The following ZCCHC7 variants were observed in gnomAD, a reference collection of about 807,000 sequenced individuals.
The protein encoded by ZCCHC7 is zinc finger CCHC domain-containing protein 7.
ZCCHC7 carries 35 observed loss-of-function variants against 52.0 expected under a neutral mutation model. The observed-to-expected ratio is 0.67, with a 90% CI of 0.51 to 0.89. The LOEUF is 0.89. Ranked by LOEUF, ZCCHC7 falls within the 40% of genes least tolerant of loss-of-function variation. The pLI, the probability that ZCCHC7 is intolerant of heterozygous loss-of-function variation, is 0.00. For synonymous variants in ZCCHC7, 217 were observed against 221.5 expected (o/e 0.98, Z 0.18); for missense variants, 574 against 649.1 (o/e 0.88, Z 1.26).
chr9:37,222,325 C>CAG lies in ZCCHC7; in HGVS notation c.611-79860_611-79859dup, dbSNP rs1180549279. ...CCAAGGGATAAACAGACCAGAATAA[C>CAG]AGAGTGTGTGTGTGTGTGTGTGTGT... On this transcript the variant is annotated intron_variant, in intron 2 of 8. Coordinates refer to ENST00000336755, the MANE Select transcript of ZCCHC7 (RefSeq NM_032226.3). Among the ~76,000 whole-genome samples, 7 of 120,800 alleles carry CAG rather than the reference C, an allele frequency of 5.8e-5. No homozygotes were observed. The South Asian group carries it at 1.4e-3, about 24-fold the overall frequency. The allele number at this position is 120,800 out of a possible 152,430, so 79.2% of individuals were successfully genotyped here.
intron 6 of ZCCHC7, among the ~76,000 whole-genome samples, chr9:37,344,190 CACAA>C (rs1226867135): frequency 2.6e-5 from 4 of 152,130 alleles, no homozygotes; most frequent in African/African-American, 4.8e-5. Flanking sequence ...CTTATATTTG[CACAA>C]ACAAACATAA....
chr9:37,224,409 A>G (rs1224486115), intron 2 of ZCCHC7, among the ~76,000 whole-genome samples: 1 of 152,220 alleles, frequency 6.6e-6, no homozygotes, highest in Admixed American at 6.5e-5. Context: ...TTTAAAGAAC[A>G]TAGGAGTAAT....
At chr9:37,244,260 AAG>A (rs1192028867) in intron 2 of ZCCHC7, among the ~76,000 whole-genome samples, 1 of 151,038 alleles carries the variant, frequency 6.6e-6, no homozygotes, top group Non-Finnish European at 1.5e-5. Context: ...AAAAAAAAAA[AAG>A]AAAGAAAGAA....
At chr9:37,216,475 G>T (rs1380191473) in intron 2 of ZCCHC7, among the ~76,000 whole-genome samples, 1 of 152,150 alleles carries the variant, frequency 6.6e-6, no homozygotes, top group Non-Finnish European at 1.5e-5. Context: ...AGGTGATCGA[G>T]ACCAGCCTGA....
chr9:37,325,921 A>G (rs937674103), intron 5 of ZCCHC7: 1 of 152,234 alleles, frequency 6.6e-6, no homozygotes, highest in Non-Finnish European at 1.5e-5. Flanking sequence ...TGATTGTTCA[A>G]AAACCAAGTA....
chr9:37,228,674 T>G (rs1825240811), intron 2 of ZCCHC7, among the ~76,000 whole-genome samples: 2 of 152,000 alleles, frequency 1.3e-5, no homozygotes, highest in South Asian at 4.1e-4. Context: ...TGGCCTGATT[T>G]TTAAAATCTG....
chr9:37,299,901 A>T (rs763308342), intron 2 of ZCCHC7, among the ~76,000 whole-genome samples: 5 of 152,234 alleles, frequency 3.3e-5, no homozygotes, highest in Non-Finnish European at 5.9e-5. Flanking sequence ...AGGTCTGCCT[A>T]TAAGCAGCTT....
At chr9:37,240,609 C>T (rs1332540262) in intron 2 of ZCCHC7, among the ~76,000 whole-genome samples, 1 of 151,694 alleles carries the variant, frequency 6.6e-6, no homozygotes, top group East Asian at 1.9e-4. Flanking sequence ...AAGATTAAAC[C>T]AAAAGATAAT....
intron 2 of ZCCHC7, among the ~76,000 whole-genome samples, chr9:37,253,399 T>C (rs1826425317): frequency 6.6e-6 from 1 of 152,078 alleles, no homozygotes. Context: ...ATTGCTTCTT[T>C]AATGAATCTT....
intron 2 of ZCCHC7, among the ~76,000 whole-genome samples, chr9:37,194,007 A>AATG (rs780933160): frequency 1.3e-5 from 2 of 152,138 alleles, no homozygotes; most frequent in Admixed American, 6.5e-5. Flanking sequence ...GTTCACACTC[A>AATG]AACTCAGACA....
At chr9:37,333,069 T>G (rs2118293904) in intron 6 of ZCCHC7, among the ~76,000 whole-genome samples, 1 of 151,800 alleles carries the variant, frequency 6.6e-6, no homozygotes, top group Non-Finnish European at 1.5e-5. Flanking sequence ...CAAATACTAA[T>G]TTGGTTTAAA....
At chr9:37,321,283 C>T (rs528276362) in intron 5 of ZCCHC7, among the ~76,000 whole-genome samples, 298 of 152,050 alleles carry the variant, frequency 2.0e-3, no homozygotes, top group Non-Finnish European at 3.5e-3. Context: ...CCACCACTCC[C>T]GGCCACCTTT....
intron 2 of ZCCHC7, among the ~76,000 whole-genome samples, chr9:37,198,449 T>G: frequency 6.6e-6 from 1 of 152,308 alleles, no homozygotes; most frequent in East Asian, 1.9e-4. Flanking sequence ...GCCGATCACA[T>G]CTTCTCTTTG....
At chr9:37,243,851 T>G (rs2133367057) in intron 2 of ZCCHC7, among the ~76,000 whole-genome samples, 1 of 151,988 alleles carries the variant, frequency 6.6e-6, no homozygotes, top group Middle Eastern at 3.4e-3. Flanking sequence ...CCTTCTGGTG[T>G]TTTCATTGGT....
chr9:37,294,402 GT>G (rs1564233617), intron 2 of ZCCHC7, among the ~76,000 whole-genome samples: 1 of 152,178 alleles, frequency 6.6e-6, no homozygotes, highest in Non-Finnish European at 1.5e-5. Context: ...AGCTTTGTCT[GT>G]GTGGTCTTTA....
chr9:37,347,409 A>G (rs1402274446), intron 6 of ZCCHC7, among the ~76,000 whole-genome samples: 1 of 152,210 alleles, frequency 6.6e-6, no homozygotes, highest in Non-Finnish European at 1.5e-5. Context: ...GTTAGTGCAA[A>G]GGTAATTGAG....
chr9:37,273,154 G>A (rs1827508349), intron 2 of ZCCHC7, among the ~76,000 whole-genome samples: 1 of 152,140 alleles, frequency 6.6e-6, no homozygotes, highest in African/African-American at 2.4e-5. Context: ...TGTGTAGTTG[G>A]CAACAGAGAC....
intron 2 of ZCCHC7, among the ~76,000 whole-genome samples, chr9:37,272,334 A>C (rs1827458132): frequency 6.6e-6 from 1 of 152,138 alleles, no homozygotes; most frequent in Non-Finnish European, 1.5e-5. Context: ...CTTACCCTGT[A>C]AAGTGTGTTG....
At chr9:37,320,148 G>T (rs1257270805) in intron 5 of ZCCHC7, among the ~76,000 whole-genome samples, 1 of 152,136 alleles carries the variant, frequency 6.6e-6, no homozygotes, top group Non-Finnish European at 1.5e-5. Flanking sequence ...CACTGTGTTG[G>T]CTCACTGCAA....
Sources: allele counts gnomAD v4.1 joint callset (sites outside exome capture counted in the v4.1 genomes callset), GRCh38; gene constraint gnomAD v4.1.1; transcripts MANE v1.5; gene names NCBI Gene and HGNC (gene_info 2026-07-23, HGNC 2026-07-21).